The following ANKRD6 variants were observed in gnomAD, a reference collection of about 807,000 sequenced individuals.
ANKRD6 encodes ankyrin repeat domain 6, also known as ankyrin repeat domain-containing protein 6.
Under a neutral mutation model 82.3 loss-of-function variants are expected in ANKRD6, and 56 were observed. The ratio of observed to expected loss-of-function variants is 0.68; its 90% CI spans 0.55 to 0.85. The LOEUF is 0.85. Among genes scored for constraint, ANKRD6 ranks in the 40% least tolerant of loss-of-function variants. ANKRD6 has a pLI of 0.00. For synonymous variants in ANKRD6, 347 were observed against 352.1 expected, an observed-to-expected ratio of 0.99 and a Z score of 0.16; for missense variants, 852 against 907.6, an observed-to-expected ratio of 0.94 and a Z score of 0.79.
At chr6:89,512,244 G>A (rs973317993) in intron 1 of ANKRD6, among the ~76,000 whole-genome samples, 1 of 152,266 alleles carries the variant, frequency 6.6e-6, no homozygotes, top group Middle Eastern at 3.4e-3. Flanking sequence ...TGCTTTGATC[G>A]TTGTTACTCC....
chr6:89,607,436 G>T (rs748324788), intron 5 of ANKRD6, among the ~76,000 whole-genome samples: 13 of 152,090 alleles, frequency 8.5e-5, no homozygotes, highest in Non-Finnish European at 1.6e-4. Flanking sequence ...GCTTTCCACT[G>T]TTAAAGAACA....
intron 5 of ANKRD6, among the ~76,000 whole-genome samples, chr6:89,610,743 C>A (rs1335250362): frequency 6.6e-6 from 1 of 151,158 alleles, no homozygotes; most frequent in Non-Finnish European, 1.5e-5. Context: ...CTCCACCTGG[C>A]TGCACATTAG....
At chr6:89,485,146 C>T (rs182012075) in intron 1 of ANKRD6, among the ~76,000 whole-genome samples, 33 of 152,302 alleles carry the variant, frequency 2.2e-4, no homozygotes, top group Admixed American at 9.8e-4. Flanking sequence ...GACACCCCTA[C>T]GAGTAACACT....
chr6:89,629,588 C>G, intron 15 of ANKRD6: 1 of 317,266 alleles, frequency 3.2e-6, no homozygotes, highest in Non-Finnish European at 6.1e-6. Context: ...TCCTCCCTTG[C>G]CTTTTGTGCC....
At chr6:89,509,697 C>T (rs1780305781) in intron 1 of ANKRD6, among the ~76,000 whole-genome samples, 1 of 152,192 alleles carries the variant, frequency 6.6e-6, no homozygotes, top group Non-Finnish European at 1.5e-5. Context: ...GTTCTCCCTT[C>T]CTGACAGATA....
intron 1 of ANKRD6, among the ~76,000 whole-genome samples, chr6:89,446,441 C>T (rs1290794170): frequency 6.6e-6 from 1 of 152,160 alleles, no homozygotes; most frequent in East Asian, 1.9e-4. Flanking sequence ...GGAAGAGTCT[C>T]ACAACTTTCA....
chr6:89,510,921 G>A (rs370772678), intron 1 of ANKRD6, among the ~76,000 whole-genome samples: 2 of 152,070 alleles, frequency 1.3e-5, no homozygotes, highest in South Asian at 2.1e-4. Context: ...GTGGAGAGCC[G>A]GATGGTGATG....
intron 1 of ANKRD6, among the ~76,000 whole-genome samples, chr6:89,548,143 A>G (rs945912522): frequency 2.0e-5 from 3 of 152,246 alleles, no homozygotes; most frequent in African/African-American, 7.2e-5. Context: ...CACTAAATCC[A>G]GAACATTTAC....
In ANKRD6 at chr6:89,624,668, A is replaced by G; in HGVS notation, c.1348A>G (p.Met450Val). The G allele has an allele frequency of 6.2e-7, 1 of 1,602,912 alleles. No homozygotes were observed. The highest frequency in any genetic ancestry group is 8.5e-7 in the Non-Finnish European group (1 of 1,174,572). ...CAAAATGAATACAAAGCTGGGGCAG[A>G]TGGAGAATAAGACCCAGCACCAAGT... is the stretch of plus-strand genomic sequence containing the variant. ...QDKMNTKLGQ[M>V]ENKTQHQMRV... Residue 450 changes from methionine to valine, a missense_variant, in exon 13 of 16, where the codon ATG becomes GTG. Physicochemically the swap from Met to Val is conservative, Grantham distance 21. Transcript: ENST00000339746.
chr6:89,567,600 C>T (rs1788817451), intron 2 of ANKRD6, among the ~76,000 whole-genome samples: 1 of 152,104 alleles, frequency 6.6e-6, no homozygotes, highest in South Asian at 2.1e-4. Context: ...TTACCCTGCG[C>T]CAACAGAGAA....
chr6:89,612,855 G>A (rs181733776), intron 6 of ANKRD6, among the ~76,000 whole-genome samples: 3 of 152,208 alleles, frequency 2.0e-5, no homozygotes, highest in South Asian at 4.1e-4. Context: ...CATGGGTATC[G>A]CTTCTTCACA....
intron 1 of ANKRD6, among the ~76,000 whole-genome samples, chr6:89,438,985 T>A (rs1770997507): frequency 6.6e-6 from 1 of 151,364 alleles, no homozygotes; most frequent in Admixed American, 6.6e-5. Flanking sequence ...TGTATATATA[T>A]GTATGTGTTT....
intron 1 of ANKRD6, among the ~76,000 whole-genome samples, chr6:89,506,975 C>T (rs1410283282): frequency 6.6e-6 from 1 of 152,236 alleles, no homozygotes; most frequent in East Asian, 1.9e-4. Flanking sequence ...GTTGAGGATT[C>T]CATATGCAAT....
intron 2 of ANKRD6, among the ~76,000 whole-genome samples, chr6:89,576,607 G>A (rs1407681906): frequency 6.6e-6 from 1 of 152,062 alleles, no homozygotes; most frequent in Non-Finnish European, 1.5e-5. Flanking sequence ...AACAAGACAG[G>A]AAAAAACATC....
chr6:89,556,210 G>A (rs1481950001), intron 1 of ANKRD6, among the ~76,000 whole-genome samples: 1 of 152,198 alleles, frequency 6.6e-6, no homozygotes, highest in Non-Finnish European at 1.5e-5. Flanking sequence ...GGAAGGGCTA[G>A]GTTCTCATTA....
chr6:89,513,398 A>G (rs1304344520), intron 1 of ANKRD6, among the ~76,000 whole-genome samples: 1 of 152,064 alleles, frequency 6.6e-6, no homozygotes, highest in African/African-American at 2.4e-5. Context: ...TCCCCTCCAA[A>G]TCACTCTCTT....
chr6:89,473,401 TAA>T (rs535883417), intron 1 of ANKRD6, among the ~76,000 whole-genome samples: 21 of 133,808 alleles, frequency 1.6e-4, no homozygotes, highest in East Asian at 2.1e-4. Flanking sequence ...AGACTCTGTC[TAA>T]AAAAAAAAAA....
At chr6:89,482,633 G>A (rs854870) in intron 1 of ANKRD6, among the ~76,000 whole-genome samples, 142,161 of 152,280 alleles carry the variant, frequency 0.93, 66,439 homozygotes, top group East Asian at 1. Context: ...CACAGGGGCC[G>A]GAATTTTTCA....
chr6:89,480,592 A>G (rs1776668159), intron 1 of ANKRD6, among the ~76,000 whole-genome samples: 1 of 150,798 alleles, frequency 6.6e-6, no homozygotes, highest in South Asian at 2.1e-4. Flanking sequence ...ATTTTTAAAA[A>G]AGATATCCTC....
Sources: allele counts gnomAD v4.1 joint callset (sites outside exome capture counted in the v4.1 genomes callset), GRCh38; gene constraint gnomAD v4.1.1; transcripts MANE v1.5; gene names NCBI Gene and HGNC (gene_info 2026-07-23, HGNC 2026-07-21).